Variants in CACNA2D3 observed in about 807,000 individuals in gnomAD.
CACNA2D3 encodes calcium voltage-gated channel auxiliary subunit alpha2delta 3.
In CACNA2D3, 60 loss-of-function variants were observed where a neutral mutation model predicts 160.6. The observed-to-expected ratio is 0.37, with a 90% CI of 0.30 to 0.46. The LOEUF is 0.46. Ranked by LOEUF, CACNA2D3 falls within the 20% of genes least tolerant of loss-of-function variation. CACNA2D3 has a pLI of 1.00. For synonymous variants in CACNA2D3, 558 were observed against 492.9 expected, an observed-to-expected ratio of 1.13 and a Z score of -1.75; for missense variants, 1,205 against 1,365.0, an observed-to-expected ratio of 0.88 and a Z score of 1.85.
intron 4 of CACNA2D3, among the ~76,000 whole-genome samples, chr3:54,433,609 C>T (rs1461065092): frequency 3.3e-5 from 5 of 152,168 alleles, no homozygotes; most frequent in Non-Finnish European, 7.4e-5. Flanking sequence ...TATCACATAA[C>T]AAATGAGCGT....
intron 4 of CACNA2D3, among the ~76,000 whole-genome samples, chr3:54,388,879 T>C (rs1194509484): frequency 1.3e-5 from 2 of 152,210 alleles, no homozygotes; most frequent in Admixed American, 6.5e-5. Context: ...CAGAAGTTCC[T>C]GAAGGCTTTT....
chr3:54,725,127 A>G (rs963369520), intron 11 of CACNA2D3, among the ~76,000 whole-genome samples: 4 of 152,262 alleles, frequency 2.6e-5, no homozygotes, highest in South Asian at 4.1e-4. Context: ...AGAGAATACT[A>G]TAAACACCTC....
chr3:54,527,480 GAGT>G (rs1701743241), intron 5 of CACNA2D3, among the ~76,000 whole-genome samples: 1 of 152,180 alleles, frequency 6.6e-6, no homozygotes, highest in Admixed American at 6.5e-5. Context: ...GGTGGAAGGG[GAGT>G]AGTAGCCTCA....
chr3:54,150,497 C>A (rs1700127907), intron 2 of CACNA2D3, among the ~76,000 whole-genome samples: 1 of 152,208 alleles, frequency 6.6e-6, no homozygotes, highest in African/African-American at 2.4e-5. Flanking sequence ...GCTTCTTCAG[C>A]AGTGTGACTA....
chr3:54,437,335 G>A (rs1700076330), intron 4 of CACNA2D3, among the ~76,000 whole-genome samples: 1 of 152,222 alleles, frequency 6.6e-6, no homozygotes, highest in African/African-American at 2.4e-5. Flanking sequence ...AGCCATTACA[G>A]GCAATGCACA....
intron 2 of CACNA2D3, among the ~76,000 whole-genome samples, chr3:54,211,093 T>C (rs1186457849): frequency 6.6e-6 from 1 of 152,192 alleles, no homozygotes; most frequent in Non-Finnish European, 1.5e-5. Context: ...TCCAGATAGG[T>C]AATAATTGAT....
intron 8 of CACNA2D3, among the ~76,000 whole-genome samples, chr3:54,572,083 G>A (rs56155010): frequency 0.36 from 53,967 of 151,932 alleles, 10,616 homozygotes; most frequent in Middle Eastern, 0.48. Flanking sequence ...CTTCTGCATA[G>A]GCGTGACACC....
chr3:54,171,774 C>G (rs556888671), intron 2 of CACNA2D3, among the ~76,000 whole-genome samples: 1 of 152,160 alleles, frequency 6.6e-6, no homozygotes, highest in Admixed American at 6.5e-5. Context: ...GGATATCTTC[C>G]CACTGAACTT....
intron 2 of CACNA2D3, among the ~76,000 whole-genome samples, chr3:54,232,152 TGAG>T (rs760007608): frequency 7.9e-5 from 12 of 152,206 alleles, no homozygotes; most frequent in African/African-American, 9.7e-5. Context: ...CTGTCTAACA[TGAG>T]GAGTTCAGCT....
chr3:54,445,595 TGAA>T (rs1036639908), intron 4 of CACNA2D3, among the ~76,000 whole-genome samples: 2 of 82,928 alleles, frequency 2.4e-5, no homozygotes. Context: ...CACACTCATG[TGAA>T]GAAGGAGAAA....
chr3:54,283,538 G>A (rs576121487), intron 2 of CACNA2D3, among the ~76,000 whole-genome samples: 2 of 152,288 alleles, frequency 1.3e-5, no homozygotes, highest in African/African-American at 2.4e-5. Flanking sequence ...ATAACAAGAG[G>A]AAGAAATTGC....
intron 9 of CACNA2D3, among the ~76,000 whole-genome samples, chr3:54,615,152 A>C (rs1384515999): frequency 1.3e-5 from 2 of 152,222 alleles, no homozygotes; most frequent in African/African-American, 4.8e-5. Flanking sequence ...AAATGAAGAG[A>C]GATGATGAAA....
At chr3:54,782,454 G>C (rs184625561) in intron 13 of CACNA2D3, among the ~76,000 whole-genome samples, 3 of 152,214 alleles carry the variant, frequency 2.0e-5, no homozygotes, top group African/African-American at 7.2e-5. Context: ...AGAAATTCAG[G>C]ATAACATTAT....
At chr3:54,622,570 TGGCCA>T (rs1187296086) in intron 9 of CACNA2D3, among the ~76,000 whole-genome samples, 48 of 120,704 alleles carry the variant, frequency 4.0e-4, no homozygotes, top group Non-Finnish European at 7.3e-4. Flanking sequence ...CCACTGCACC[TGGCCA>T]GTTTTTGGTT....
At chr3:55,005,412 T>C (rs1004106147) in intron 32 of CACNA2D3, among the ~76,000 whole-genome samples, 2 of 152,196 alleles carry the variant, frequency 1.3e-5, no homozygotes, top group African/African-American at 4.8e-5. Flanking sequence ...TTGTGACAGA[T>C]GGAAAAAGGG....
At chr3:54,871,719 G>C (rs367981434) in intron 18 of CACNA2D3, 97 bp downstream of exon 18, 1 of 860,102 alleles carries the variant, frequency 1.2e-6, no homozygotes, top group African/African-American at 1.7e-5. Flanking sequence ...GAGGCCCACT[G>C]AAGGGACACC....
chr3:54,400,323 C>T (rs187228001), intron 4 of CACNA2D3, among the ~76,000 whole-genome samples: 15 of 152,096 alleles, frequency 9.9e-5, no homozygotes, highest in African/African-American at 3.1e-4. Context: ...TTGGCTCCTC[C>T]GAGAGTGAAC....
chr3:54,984,325 A>G (rs1355363051), intron 29 of CACNA2D3, among the ~76,000 whole-genome samples: 1 of 149,510 alleles, frequency 6.7e-6, no homozygotes, highest in Non-Finnish European at 1.5e-5. Flanking sequence ...AAGGAAGACA[A>G]ACTGTAATTC....
At chr3:54,466,120 G>T (rs907454175) in intron 4 of CACNA2D3, among the ~76,000 whole-genome samples, 1 of 152,088 alleles carries the variant, frequency 6.6e-6, no homozygotes, top group Non-Finnish European at 1.5e-5. Flanking sequence ...TTTGAATCGG[G>T]TTCACATCTC....
Sources: allele counts gnomAD v4.1 joint callset (sites outside exome capture counted in the v4.1 genomes callset), GRCh38; gene constraint gnomAD v4.1.1; transcripts MANE v1.5; gene names NCBI Gene and HGNC (gene_info 2026-07-23, HGNC 2026-07-21).